Variants in KIF5C observed in about 807,000 individuals in gnomAD.
KIF5C encodes kinesin family member 5C.
In KIF5C, 18 loss-of-function variants were observed where a neutral mutation model predicts 125.2. The ratio of observed to expected loss-of-function variants is 0.14; its 90% CI spans 0.10 to 0.21. KIF5C has a LOEUF of 0.21. Ranked by LOEUF, KIF5C falls within the 10% of genes least tolerant of loss-of-function variation. The pLI is 1.00. For synonymous variants in KIF5C, 405 were observed against 434.0 expected, an observed-to-expected ratio of 0.93 and a Z score of 0.83; for missense variants, 780 against 1,183.8, an observed-to-expected ratio of 0.66 and a Z score of 5.01.
chr2:148,913,515 T>G (rs540072360), intron 1 of KIF5C, among the ~76,000 whole-genome samples: 1 of 152,358 alleles, frequency 6.6e-6, no homozygotes, highest in African/African-American at 2.4e-5. Flanking sequence ...CTATTGGCAG[T>G]AAATATTTGC....
intron 16 of KIF5C, 47 bp from the exon 17 acceptor site, chr2:148,994,374 G>A: frequency 6.5e-7 from 1 of 1,540,532 alleles, no homozygotes; most frequent in Middle Eastern, 1.7e-4. Flanking sequence ...GGCCAGCCTG[G>A]ATGACCACTT....
chr2:148,910,867 A>G (rs966493947), intron 1 of KIF5C, among the ~76,000 whole-genome samples: 1 of 152,246 alleles, frequency 6.6e-6, no homozygotes, highest in Non-Finnish European at 1.5e-5. Context: ...GAGATAGATC[A>G]AAGAAATGAA....
intron 21 of KIF5C, among the ~76,000 whole-genome samples, chr2:149,004,270 C>G (rs1681939984): frequency 6.6e-6 from 1 of 152,220 alleles, no homozygotes; most frequent in South Asian, 2.1e-4. Flanking sequence ...GCTTTATAGT[C>G]TGTTTCTTCC....
At chr2:148,880,335 G>T (rs1015884138) in intron 1 of KIF5C, among the ~76,000 whole-genome samples, 2 of 152,180 alleles carry the variant, frequency 1.3e-5, no homozygotes, top group Non-Finnish European at 2.9e-5. Context: ...TGGCCAGGCT[G>T]GTCTTGAACT....
At chr2:148,918,862 G>C (rs77478934) in intron 1 of KIF5C, among the ~76,000 whole-genome samples, 3,471 of 152,332 alleles carry the variant, frequency 0.023, 79 homozygotes, top group Non-Finnish European at 0.03. Context: ...AAGGAAGGGA[G>C]ACCAGTCAGG....
At chr2:148,887,408 G>A (rs6760207) in intron 1 of KIF5C, among the ~76,000 whole-genome samples, 2,575 of 151,946 alleles carry the variant, frequency 0.017, 79 homozygotes, top group African/African-American at 0.059. Context: ...GATATATGGA[G>A]AGTCTATTGT....
At chr2:149,006,006 T>C (rs1400326773) in intron 22 of KIF5C, among the ~76,000 whole-genome samples, 1 of 152,152 alleles carries the variant, frequency 6.6e-6, no homozygotes, top group East Asian at 1.9e-4. Flanking sequence ...ATTGCACTGG[T>C]GGGAAGAGCC....
intron 1 of KIF5C, chr2:148,879,156 C>T (rs557704820): frequency 9.2e-5 from 14 of 152,292 alleles, no homozygotes; most frequent in African/African-American, 3.4e-4. Flanking sequence ...TATGATCTCC[C>T]AAGTTTTTTG....
chr2:148,914,246 C>T (rs991497242), intron 1 of KIF5C, among the ~76,000 whole-genome samples: 2 of 152,134 alleles, frequency 1.3e-5, no homozygotes, highest in African/African-American at 2.4e-5. Context: ...CAATCAAAGG[C>T]GAAAGAGCTT....
intron 11 of KIF5C, among the ~76,000 whole-genome samples, chr2:148,963,750 G>A (rs986071930): frequency 1.2e-4 from 19 of 152,142 alleles, no homozygotes; most frequent in African/African-American, 4.3e-4. Flanking sequence ...GTAAAGGATT[G>A]GGGGTGCTGG....
Position 149,024,602 on chromosome 2 carries a change from C to T in KIF5C, c.*1532C>T, listed in dbSNP as rs937249487. On this transcript the variant is annotated 3_prime_UTR_variant, in exon 26 of 26. Coordinates refer to ENST00000435030, the MANE Select transcript of KIF5C (RefSeq NM_004522.3). ...TAAGAACTGTGCATTGACATCCAAA[C>T]ATTTCTTGTACAAAATTTCCCTAGC... 2 of 150,454 alleles carry T rather than the reference C, an allele frequency of 1.3e-5. No individual in the cohort carries two copies. Among genetic ancestry groups the T allele is most frequent in the Non-Finnish European group, 3.0e-5 (2 of 67,596 alleles). The allele number at this position is 150,454 out of a possible 1,614,324, so 9.3% of individuals were successfully genotyped here. A position where few individuals can be genotyped will look rare whatever the true frequency, so the allele number is the denominator to read the frequency against.
intron 1 of KIF5C, among the ~76,000 whole-genome samples, chr2:148,895,589 A>G (rs1036096213): frequency 3.3e-5 from 5 of 152,052 alleles, no homozygotes; most frequent in African/African-American, 1.2e-4. Flanking sequence ...CTTAACATTT[A>G]TGTTTCAAAT....
chr2:149,012,878 G>T (rs1682253032), intron 25 of KIF5C, among the ~76,000 whole-genome samples: 1 of 152,270 alleles, frequency 6.6e-6, no homozygotes, highest in Non-Finnish European at 1.5e-5. Context: ...CTGGAAGTTA[G>T]AAAGTTGCTT....
At chr2:148,970,712 C>T (rs1358006429) in intron 11 of KIF5C, among the ~76,000 whole-genome samples, 2 of 152,184 alleles carry the variant, frequency 1.3e-5, no homozygotes, top group Non-Finnish European at 2.9e-5. Flanking sequence ...GAAGTCAGGC[C>T]TGTGACTTTG....
intron 11 of KIF5C, among the ~76,000 whole-genome samples, chr2:148,971,290 G>GTCTGTCTATCTATCTA (rs764761986): frequency 2.8e-3 from 385 of 137,300 alleles, no homozygotes; most frequent in East Asian, 0.011. Flanking sequence ...CTGTCTGTCT[G>GTCTGTCTATCTATCTA]TCTATCTATC....
At chr2:149,011,808 G>A in intron 25 of KIF5C, 125 bp downstream of exon 25, 15 of 1,324,666 alleles carry the variant, frequency 1.1e-5, no homozygotes, top group Non-Finnish European at 1.5e-5. Flanking sequence ...ACACACCCTG[G>A]GGGTTCCAGG....
intron 12 of KIF5C, among the ~76,000 whole-genome samples, chr2:148,976,996 T>G (rs988782153): frequency 2.0e-5 from 3 of 152,238 alleles, no homozygotes; most frequent in African/African-American, 7.2e-5. Context: ...AGCGTGCTTA[T>G]GCATGTTCTA....
At chr2:148,999,347 A>T (rs1283859648) in intron 19 of KIF5C, among the ~76,000 whole-genome samples, 4 of 149,454 alleles carry the variant, frequency 2.7e-5, no homozygotes, top group Admixed American at 6.8e-5. Flanking sequence ...TGATTTACTT[A>T]AGGTCACATT....
At chr2:149,006,043 C>T (rs79840912) in intron 22 of KIF5C, among the ~76,000 whole-genome samples, 1,555 of 152,274 alleles carry the variant, frequency 0.01, 19 homozygotes, top group African/African-American at 0.031. Context: ...CCCAGGCCTG[C>T]GGGGTCTCTG....
Sources: allele counts gnomAD v4.1 joint callset (sites outside exome capture counted in the v4.1 genomes callset), GRCh38; gene constraint gnomAD v4.1.1; transcripts MANE v1.5; gene names NCBI Gene and HGNC (gene_info 2026-07-23, HGNC 2026-07-21).